The following GTF2I variants were observed in gnomAD, a reference collection of about 807,000 sequenced individuals.
GTF2I encodes the protein general transcription factor II-I.
Under a neutral mutation model 67.6 loss-of-function variants are expected in GTF2I, and 12 were observed. The observed-to-expected ratio is 0.18, with a 90% CI of 0.11 to 0.29. The LOEUF (loss-of-function observed/expected upper bound fraction) is 0.29, where lower values mean the gene tolerates loss of function less well. Ranked by LOEUF, GTF2I falls within the 10% of genes least tolerant of loss-of-function variation. The pLI is 1.00. For synonymous variants in GTF2I, 149 were observed against 197.0 expected (o/e 0.76, Z 2.04); for missense variants, 271 against 580.1 (o/e 0.47, Z 5.47).
intron 4 of GTF2I, 135 bp from the exon 5 acceptor site, chr7:74,700,112 G>A (rs1034569398): frequency 4.6e-6 from 4 of 870,832 alleles, no homozygotes; most frequent in East Asian, 2.7e-5. Context: ...ATAGAATGCT[G>A]TAGTATTAAT....
At chr7:74,727,352 A>G (rs1196915005) in intron 12 of GTF2I, 1 of 152,238 alleles carries the variant, frequency 6.6e-6, no homozygotes, top group Non-Finnish European at 1.5e-5. Context: ...GAAGTGACCC[A>G]GTGCTGCCCC....
chr7:74,675,619 G>C (rs1286615304), intron 1 of GTF2I, among the ~76,000 whole-genome samples: 2 of 152,040 alleles, frequency 1.3e-5, no homozygotes, highest in African/African-American at 4.8e-5. Context: ...CTAAGCCCTT[G>C]AAAACTTAAT....
chr7:74,673,062 G>C (rs1035624964), intron 1 of GTF2I, among the ~76,000 whole-genome samples: 1 of 152,038 alleles, frequency 6.6e-6, no homozygotes, highest in African/African-American at 2.4e-5. Flanking sequence ...GGGTATCACC[G>C]TGTTAGCCAG....
At chr7:74,695,810 T>C (rs1021415159) in intron 3 of GTF2I, among the ~76,000 whole-genome samples, 8 of 152,114 alleles carry the variant, frequency 5.3e-5, no homozygotes, top group African/African-American at 1.9e-4. Context: ...ATTGTGTGTG[T>C]ATCAGCTGCT....
At chr7:74,750,481 G>A (rs1464830835) in intron 26 of GTF2I, among the ~76,000 whole-genome samples, 1 of 95,512 alleles carries the variant, frequency 1.0e-5, no homozygotes, top group Non-Finnish European at 2.1e-5. Flanking sequence ...TATAGTACAT[G>A]CTAATGCACA....
chr7:74,704,438 C>T lies in GTF2I; in HGVS notation c.587-726C>T, dbSNP rs142920418. 2.6e-3 allele frequency among the ~76,000 whole-genome samples: 390 copies of T among 151,864 alleles called. 3 individuals are homozygous for T. The Middle Eastern group carries it at 0.027, about 11-fold the overall frequency. ...TCTGAGTAACTGGGATTACAGGCGC[C>T]CGCCACCACACCTGGCTAATTTTTA... On this transcript the variant is annotated intron_variant, in intron 6 of 34. Transcript: ENST00000573035.
intron 1 of GTF2I, among the ~76,000 whole-genome samples, chr7:74,660,571 G>A (rs1249902128): frequency 6.6e-6 from 1 of 151,406 alleles, no homozygotes; most frequent in African/African-American, 2.4e-5. Flanking sequence ...TTCCTCGCAG[G>A]GCACCTTTAT....
chr7:74,691,912 G>A (rs1788346914), intron 3 of GTF2I, among the ~76,000 whole-genome samples: 1 of 151,936 alleles, frequency 6.6e-6, no homozygotes, highest in South Asian at 2.1e-4. Context: ...GAGTAGCTGG[G>A]ATTACAGGTG....
Position 74,681,440 on chromosome 7 carries a change from T to G in GTF2I, c.-5-7684T>G, listed in dbSNP as rs191771424. 6.1e-3 allele frequency among the ~76,000 whole-genome samples: 863 copies of G among 140,652 alleles called. 10 individuals are homozygous for G. The highest frequency in any genetic ancestry group is 0.021 in the African/African-American group (819 of 38,228). The allele number at this position is 140,652 out of a possible 152,430, so 92.3% of individuals were successfully genotyped here. A position where few individuals can be genotyped will look rare whatever the true frequency, so the allele number is the denominator to read the frequency against. ...ATAGAGCAAGACTCTGTCTCAAAAA[T>G]AAAAAAAAAGAAAAAAAGAAAAAAA... On this transcript the variant is annotated intron_variant, in intron 1 of 34. Transcript: ENST00000573035.
intron 1 of GTF2I, among the ~76,000 whole-genome samples, chr7:74,661,184 A>G (rs1436599273): frequency 6.6e-6 from 1 of 152,062 alleles, no homozygotes; most frequent in Non-Finnish European, 1.5e-5. Flanking sequence ...GAGAGCTGGC[A>G]TGTGCGGACT....
At chr7:74,717,110 G>A in intron 11 of GTF2I, 160 bp downstream of exon 11, 1 of 937,642 alleles carries the variant, frequency 1.1e-6, no homozygotes, top group Non-Finnish European at 1.5e-6. Context: ...AAAATTCTAA[G>A]ATGTAATATA....
At chr7:74,696,632 A>G (rs1183293845) in intron 3 of GTF2I, among the ~76,000 whole-genome samples, 2 of 151,920 alleles carry the variant, frequency 1.3e-5, no homozygotes, top group African/African-American at 2.4e-5. Flanking sequence ...AGCTGGGACT[A>G]CAGGCGCCCA....
intron 1 of GTF2I, among the ~76,000 whole-genome samples, chr7:74,669,748 GT>G (rs1168102222): frequency 6.6e-6 from 1 of 152,092 alleles, no homozygotes; most frequent in Non-Finnish European, 1.5e-5. Flanking sequence ...GGCCAGGCTG[GT>G]CTCAAATTCC....
rs1163463075 is a variant in GTF2I, at chr7:74,705,169, C to T, written c.592C>T (p.Arg198Cys). The T allele has an allele frequency of 4.4e-6, 7 of 1,594,896 alleles. No individual in the cohort carries two copies. Among genetic ancestry groups the T allele is most frequent in the East Asian group, 2.2e-5 (1 of 44,728 alleles). Reference protein sequence around the residue: ...FLEPKKHVGGRVMVTDADRSI... With the variant: ...FLEPKKHVGGCVMVTDADRSI... ...TTTTTTTTTTTTGTATGTAGGTGGT[C>T]GTGTGATGGTAACAGATGCTGACAG... Residue 198 changes from arginine (R) to cysteine (C), a missense_variant, in exon 7 of 35, where the codon CGT (arginine) becomes TGT (cysteine). Physicochemically the swap from Arg to Cys is radical, Grantham distance 180 (BLOSUM62 -3). Transcript: ENST00000573035.
intron 8 of GTF2I, among the ~76,000 whole-genome samples, chr7:74,707,680 T>C (rs1790924710): frequency 6.6e-6 from 1 of 152,200 alleles, no homozygotes; most frequent in Non-Finnish European, 1.5e-5. Context: ...ATAGGAAATC[T>C]CAAATTTTTG....
chr7:74,716,624 T>TGTTATA lies in GTF2I; in HGVS notation c.824-268_824-267insTATAGT, dbSNP rs587604095. 54 of 315,640 alleles carry TGTTATA rather than the reference T, an allele frequency of 1.7e-4. No individual in the cohort carries two copies. In the East Asian group the frequency reaches 2.3e-3, roughly 13 times the overall value. 19.6% of individuals were successfully genotyped at this position (315,640 alleles called of 1,614,324 possible). ...ATTCCAATATCTAGTAATTTTATCA[T>TGTTATA]GTAGTTATAGTAACTAATATTAAAT... On this transcript the variant is annotated intron_variant, in intron 10 of 34. Coordinates refer to ENST00000573035, the MANE Select transcript of GTF2I (RefSeq NM_032999.4).
In GTF2I at chr7:74,705,155, TG is replaced by T. The variant is rs782215893; in HGVS notation, c.587-8del. On this transcript the variant is annotated splice_region_variant and splice_polypyrimidine_tract_variant and intron_variant, in intron 6 of 34. Transcript: ENST00000573035. ...AAAACTAACTCCAATTTTTTTTTTT[TG>T]TATGTAGGTGGTCGTGTGATGGTAA... 2.0e-5 allele frequency: 31 copies of T among 1,577,968 alleles called. No individual in the cohort carries two copies. Among genetic ancestry groups the T allele is most frequent in the Non-Finnish European group, 2.3e-5 (27 of 1,149,694 alleles).
intron 1 of GTF2I, among the ~76,000 whole-genome samples, chr7:74,670,330 T>C (rs782731393): frequency 2.6e-4 from 39 of 152,174 alleles, no homozygotes; most frequent in Non-Finnish European, 5.0e-4. Context: ...TTCAGAACTT[T>C]TGCCTGATTG....
At chr7:74,660,133 A>G (rs1289579585) in intron 1 of GTF2I, among the ~76,000 whole-genome samples, 1 of 150,020 alleles carries the variant, frequency 6.7e-6, no homozygotes. Flanking sequence ...TTTTCAGCCT[A>G]TGGAAATCTT....
Sources: gnomAD v4.1 joint callset for allele counts (sites outside exome capture counted in the v4.1 genomes callset) on GRCh38, gnomAD v4.1.1 for gene constraint, MANE v1.5 for transcripts, NCBI Gene and HGNC (gene_info 2026-07-23, HGNC 2026-07-21) for gene names.